FDCSP: variants seen among roughly 807,000 people sequenced by gnomAD.
FDCSP encodes the protein follicular dendritic cell secreted protein.
Under a neutral mutation model 8.9 loss-of-function variants are expected in FDCSP, and 8 were observed. That is an observed-to-expected ratio of 0.90 (90% CI 0.53 to 1.63). The LOEUF (loss-of-function observed/expected upper bound fraction) is 1.63. Ranked by LOEUF, FDCSP falls within the 40% of genes most tolerant of loss-of-function variation. FDCSP has a pLI of 0.00. For synonymous variants in FDCSP, 34 were observed against 34.5 expected (o/e 0.98, Z 0.06); for missense variants, 101 against 103.6 (o/e 0.98, Z 0.11).
At chr4:70,234,237 C>T in intron 4 of FDCSP, 22 bp downstream of exon 4, 3 of 1,473,226 alleles carry the variant, frequency 2.0e-6, no homozygotes, top group Non-Finnish European at 1.8e-6. Context: ...TAGTTACAAT[C>T]ATAGTTTATT....
chr4:70,228,564 T>C (rs1730025711), intron 1 of FDCSP, among the ~76,000 whole-genome samples: 1 of 151,828 alleles, frequency 6.6e-6, no homozygotes, highest in Non-Finnish European at 1.5e-5. Context: ...AGGTTTTTAA[T>C]TTACTTTGCC....
rs372553587 is a variant in FDCSP at position 70,233,899 on chromosome 4, A to T, written c.91-121A>T. The T allele has an allele frequency of 6.9e-6, 6 of 870,880 alleles. 1 individual carries two copies. The South Asian group carries it at 7.5e-5, about 11-fold the overall frequency. The allele number at this position is 870,880 out of a possible 1,614,324, so 53.9% of individuals were successfully genotyped here. A position where few individuals can be genotyped will look rare whatever the true frequency, so the allele number is the denominator to read the frequency against. On this transcript the variant is annotated intron_variant, in intron 3 of 4. Transcript: ENST00000317987. ...ATAGTACACACAGAAAGGATAAAGGATTTTAGAGCTTCTAAAGCCTCTTCC... is the reference window on the plus strand; with the variant it reads ...ATAGTACACACAGAAAGGATAAAGGTTTTTAGAGCTTCTAAAGCCTCTTCC...
At chr4:70,227,228 G>A (rs1730001617) in intron 1 of FDCSP, among the ~76,000 whole-genome samples, 1 of 151,712 alleles carries the variant, frequency 6.6e-6, no homozygotes, top group African/African-American at 2.4e-5. Flanking sequence ...ATGTGTGAGT[G>A]TGTGCATGTG....
At chr4:70,230,749 A>T (rs1347925713) in intron 1 of FDCSP, among the ~76,000 whole-genome samples, 1 of 151,732 alleles carries the variant, frequency 6.6e-6, no homozygotes, top group African/African-American at 2.4e-5. Context: ...GAACTCTCTG[A>T]GATCACTAAA....
rs577290033 is a variant in FDCSP, at chr4:70,231,489, T to A, written c.57+238T>A. 7.8e-3 allele frequency among the ~76,000 whole-genome samples: 1,185 copies of A among 151,318 alleles called. 13 individuals are homozygous for A. Among genetic ancestry groups the A allele is most frequent in the African/African-American group, 0.026 (1,059 of 41,282 alleles). On this transcript the variant is annotated intron_variant, in intron 2 of 4. Coordinates refer to ENST00000317987, the MANE Select transcript of FDCSP (RefSeq NM_152997.4). Reference sequence around the variant, plus strand: ...GCAATCCCCTCTCTATAAAAAAAAATATATATATAATGAACCTAATGACAT... The same window carrying A: ...GCAATCCCCTCTCTATAAAAAAAAAAATATATATAATGAACCTAATGACAT...
intron 1 of FDCSP, among the ~76,000 whole-genome samples, chr4:70,229,908 G>C (rs1340418980): frequency 1.3e-5 from 2 of 151,364 alleles, no homozygotes; most frequent in East Asian, 3.9e-4. Flanking sequence ...AATATTGCTA[G>C]GATTACCAAA....
rs778669724 is a variant in FDCSP at position 70,231,147 on chromosome 4, T to C, written c.1-48T>C. The C allele has an allele frequency of 8.3e-6, 12 of 1,450,066 alleles. No individual in the cohort carries two copies. In the Admixed American group the frequency reaches 1.3e-4, roughly 16 times the overall value. 89.8% of individuals were successfully genotyped at this position (1,450,066 alleles called of 1,614,324 possible). A position where few individuals can be genotyped will look rare whatever the true frequency, so the allele number is the denominator to read the frequency against. ...TTTTAGCTGACTTCTAGGATATTTA[T>C]GAATAAAATGAAAGTTCTTCTTATT... On this transcript the variant is annotated intron_variant, in intron 1 of 4. Transcript: ENST00000317987.
chr4:70,229,297 T>C (rs766566593), intron 1 of FDCSP, among the ~76,000 whole-genome samples: 2 of 151,796 alleles, frequency 1.3e-5, no homozygotes, highest in Non-Finnish European at 2.9e-5. Flanking sequence ...TCTTCTAGAT[T>C]AGGCTTCTGC....
chr4:70,228,094 T>C (rs1730019351), intron 1 of FDCSP, among the ~76,000 whole-genome samples: 1 of 151,824 alleles, frequency 6.6e-6, no homozygotes, highest in Non-Finnish European at 1.5e-5. Context: ...TGTTGTAGCA[T>C]TTTGGAGCAT....
At chr4:70,231,149 A>C in intron 1 of FDCSP, 46 bp from the exon 2 acceptor site, 1 of 1,469,266 alleles carries the variant, frequency 6.8e-7, no homozygotes, top group Non-Finnish European at 9.4e-7. Flanking sequence ...GATATTTATG[A>C]ATAAAATGAA....
chr4:70,226,947 A>G (rs143709152), intron 1 of FDCSP, among the ~76,000 whole-genome samples: 7 of 152,028 alleles, frequency 4.6e-5, no homozygotes, highest in Admixed American at 3.9e-4. Flanking sequence ...ATTATATTGT[A>G]AAGGCCCTGC....
At chr4:70,233,787 A>G (rs976664827) in intron 3 of FDCSP, among the ~76,000 whole-genome samples, 1 of 126,024 alleles carries the variant, frequency 7.9e-6, no homozygotes, top group African/African-American at 2.5e-5. Flanking sequence ...TGATTGCCAG[A>G]AAAACTTGCC....
intron 4 of FDCSP, among the ~76,000 whole-genome samples, chr4:70,234,651 T>C (rs1037293941): frequency 6.6e-6 from 1 of 151,434 alleles, no homozygotes; most frequent in Admixed American, 6.6e-5. Flanking sequence ...ACTCCAAACC[T>C]AGCTTCCAAG....
chr4:70,227,053 C>A (rs1388448838), intron 1 of FDCSP, among the ~76,000 whole-genome samples: 3 of 151,784 alleles, frequency 2.0e-5, no homozygotes, highest in Admixed American at 2.0e-4. Flanking sequence ...TGGTATATAT[C>A]ACGCTTTTTT....
intron 2 of FDCSP, among the ~76,000 whole-genome samples, chr4:70,231,987 G>A (rs556386841): frequency 9.2e-5 from 14 of 151,846 alleles, no homozygotes; most frequent in Non-Finnish European, 2.1e-4. Flanking sequence ...TATAGAATAA[G>A]GATACAAAGA....
intron 3 of FDCSP, among the ~76,000 whole-genome samples, 172 bp downstream of exon 3, chr4:70,233,198 TAGAA>T (rs991897254): frequency 2.0e-5 from 3 of 151,704 alleles, no homozygotes; most frequent in African/African-American, 7.2e-5. Flanking sequence ...GCTCTGCTCA[TAGAA>T]AGGAAATTAT....
chr4:70,231,303 A>T (rs756426323), intron 2 of FDCSP, 52 bp downstream of exon 2: 1 of 1,396,458 alleles, frequency 7.2e-7, no homozygotes, highest in Admixed American at 2.0e-5. Context: ...CATGTATGGC[A>T]TATTTATGTC....
At chr4:70,229,707 C>T (rs1335003739) in intron 1 of FDCSP, among the ~76,000 whole-genome samples, 2 of 151,492 alleles carry the variant, frequency 1.3e-5, no homozygotes, top group Non-Finnish European at 3.0e-5. Flanking sequence ...GTGGAGCAAT[C>T]GAAACATTCA....
chr4:70,235,074 A>G lies in FDCSP; in HGVS notation c.*29-11A>G, dbSNP rs1349738139. ...TGCAATTAATAACCATATGTCTGTTATTTATTTCAGGTCACCTGAAATTGA... is the reference window on the plus strand; with the variant it reads ...TGCAATTAATAACCATATGTCTGTTGTTTATTTCAGGTCACCTGAAATTGA... On this transcript the variant is annotated splice_polypyrimidine_tract_variant and intron_variant, in intron 4 of 4. Coordinates refer to ENST00000317987, the MANE Select transcript of FDCSP (RefSeq NM_152997.4). 1 of 151,722 alleles carries G rather than the reference A, an allele frequency of 6.6e-6. No homozygotes were observed. The highest frequency in any genetic ancestry group is 2.4e-5 in the African/African-American group (1 of 41,372). 9.4% of individuals were successfully genotyped at this position (151,722 alleles called of 1,614,324 possible).
Sources: allele counts gnomAD v4.1 joint callset (sites outside exome capture counted in the v4.1 genomes callset), GRCh38; gene constraint gnomAD v4.1.1; transcripts MANE v1.5; gene names NCBI Gene and HGNC (gene_info 2026-07-23, HGNC 2026-07-21).